The following OSBPL10 variants were observed in gnomAD, a reference collection of about 807,000 sequenced individuals.
OSBPL10 encodes the protein oxysterol binding protein like 10.
OSBPL10 carries 49 observed loss-of-function variants against 81.7 expected under a neutral mutation model. That is an observed-to-expected ratio of 0.60 (90% CI 0.48 to 0.76). The LOEUF is 0.76. OSBPL10 is among the 30% of genes least tolerant of loss of function. The probability of loss-of-function intolerance (pLI) is 0.00; values close to 1 mark genes in which losing one functional copy is unlikely to be tolerated. For synonymous variants in OSBPL10, 419 were observed against 383.6 expected (o/e 1.09, Z -1.08); for missense variants, 923 against 987.8 (o/e 0.93, Z 0.88).
intron 1 of OSBPL10, among the ~76,000 whole-genome samples, chr3:31,891,344 C>A (rs1695886103): frequency 6.6e-6 from 1 of 152,132 alleles, no homozygotes; most frequent in East Asian, 1.9e-4. Flanking sequence ...TGATTTCTAA[C>A]AAGTTCCCAG....
intron 2 of OSBPL10, among the ~76,000 whole-genome samples, chr3:32,035,931 T>G (rs1575089875): frequency 6.6e-6 from 1 of 152,192 alleles, no homozygotes; most frequent in Non-Finnish European, 1.5e-5. Flanking sequence ...AAACTCTGTA[T>G]CCATCAAACA....
chr3:31,751,372 A>G (rs1233609150), intron 4 of OSBPL10, among the ~76,000 whole-genome samples: 1 of 120,350 alleles, frequency 8.3e-6, no homozygotes, highest in Non-Finnish European at 1.6e-5. Flanking sequence ...ACAAACAAAC[A>G]AACAAATAAA....
chr3:31,662,905 G>T, intron 11 of OSBPL10: 2 of 985,414 alleles, frequency 2.0e-6, no homozygotes, highest in Non-Finnish European at 2.4e-6. Context: ...CCTGGGCAGG[G>T]CTCCCACACA....
chr3:31,748,719 G>C (rs1331031667), intron 4 of OSBPL10, among the ~76,000 whole-genome samples: 1 of 149,864 alleles, frequency 6.7e-6, no homozygotes, highest in Non-Finnish European at 1.5e-5. Context: ...AGAAAAACCA[G>C]AAATTCTAGA....
At chr3:32,043,792 C>A (rs1423000518) in intron 2 of OSBPL10, among the ~76,000 whole-genome samples, 1 of 152,168 alleles carries the variant, frequency 6.6e-6, no homozygotes, top group African/African-American at 2.4e-5. Flanking sequence ...GGCCATTATC[C>A]TAAGTGAATT....
chr3:31,698,567 C>A (rs1159125946), intron 7 of OSBPL10, among the ~76,000 whole-genome samples: 31 of 152,200 alleles, frequency 2.0e-4, no homozygotes, highest in Admixed American at 2.0e-3. Flanking sequence ...TCACAATATC[C>A]TAAACGGCCC....
intron 3 of OSBPL10, among the ~76,000 whole-genome samples, chr3:31,848,284 G>A (rs1037938937): frequency 1.3e-5 from 2 of 151,446 alleles, no homozygotes; most frequent in African/African-American, 4.9e-5. Flanking sequence ...CTTCTCTTCT[G>A]CTGTTACTCT....
At chr3:31,821,735 G>C (rs2125507637) in intron 4 of OSBPL10, among the ~76,000 whole-genome samples, 1 of 152,282 alleles carries the variant, frequency 6.6e-6, no homozygotes, top group South Asian at 2.1e-4. Flanking sequence ...TAATCACTCT[G>C]TTCACACAAA....
intron 1 of OSBPL10, among the ~76,000 whole-genome samples, chr3:31,962,085 G>A (rs964641923): frequency 5.9e-5 from 9 of 152,082 alleles, no homozygotes; most frequent in African/African-American, 2.2e-4. Context: ...CTCCTGGGTA[G>A]CTGGGATTAC....
At chr3:31,888,930 A>T (rs554744916) in intron 1 of OSBPL10, among the ~76,000 whole-genome samples, 32 of 151,974 alleles carry the variant, frequency 2.1e-4, no homozygotes, top group Admixed American at 2.0e-3. Flanking sequence ...TCTCAGGAAA[A>T]AATAATAATA....
At chr3:31,759,899 A>C (rs971790172) in intron 4 of OSBPL10, among the ~76,000 whole-genome samples, 1 of 152,060 alleles carries the variant, frequency 6.6e-6, no homozygotes, top group Non-Finnish European at 1.5e-5. Flanking sequence ...AGCTGGAATT[A>C]CAGGCATACA....
rs144485701 is a variant in OSBPL10, at chr3:32,018,613, G to A, written n.298+27878C>T. On this transcript the variant is annotated intron_variant and non_coding_transcript_variant, in intron 2 of 3. Coordinates refer to the OSBPL10 transcript ENST00000479173. ...TCCAGCTACTCGGGAGGCTGAGGTGGGAAGATCATTTGAGCCCAGGAGCTC... is the reference window on the plus strand; with the variant it reads ...TCCAGCTACTCGGGAGGCTGAGGTGAGAAGATCATTTGAGCCCAGGAGCTC... 2.5e-4 allele frequency among the ~76,000 whole-genome samples: 38 copies of A among 152,250 alleles called. No homozygotes were observed. The East Asian group carries it at 6.8e-3, about 27-fold the overall frequency.
chr3:31,750,727 C>T (rs1697686298), intron 4 of OSBPL10, among the ~76,000 whole-genome samples: 1 of 151,886 alleles, frequency 6.6e-6, no homozygotes, highest in African/African-American at 2.4e-5. Flanking sequence ...AAACATGATG[C>T]ATTATGTTTT....
intron 1 of OSBPL10, among the ~76,000 whole-genome samples, chr3:31,979,088 A>G (rs1575074403): frequency 6.6e-6 from 1 of 152,144 alleles, no homozygotes; most frequent in African/African-American, 2.4e-5. Context: ...CACCAACAAA[A>G]TGCTGTTACT....
At position 31,816,347 on chromosome 3, in the gene OSBPL10, C is replaced by T. The variant is rs149609745; in HGVS notation, c.729+13693G>A. 8.9e-4 allele frequency among the ~76,000 whole-genome samples: 135 copies of T among 152,288 alleles called. 1 individual carries two copies. Among genetic ancestry groups the T allele is most frequent in the African/African-American group, 3.2e-3 (133 of 41,564 alleles). On this transcript the variant is annotated intron_variant, in intron 4 of 11. Coordinates refer to ENST00000396556, the MANE Select transcript of OSBPL10 (RefSeq NM_017784.5). ...GCAAACATCACTCCATCCACTACGT[C>T]AGAGACAAGCTCTGGCCCCACAGTG...
intron 4 of OSBPL10, among the ~76,000 whole-genome samples, chr3:31,810,201 T>C (rs1396648564): frequency 6.6e-6 from 1 of 152,054 alleles, no homozygotes; most frequent in Admixed American, 6.6e-5. Flanking sequence ...AATTTCTTAT[T>C]TAAAAAAAGT....
intron 6 of OSBPL10, among the ~76,000 whole-genome samples, chr3:31,713,102 T>A (rs1696317262): frequency 6.6e-6 from 1 of 152,228 alleles, no homozygotes; most frequent in Non-Finnish European, 1.5e-5. Flanking sequence ...TCTTAAATCA[T>A]AAAGTTCATC....
intron 1 of OSBPL10, among the ~76,000 whole-genome samples, chr3:32,074,666 G>T (rs9830937): frequency 0.63 from 96,199 of 151,958 alleles, 33,893 homozygotes; most frequent in East Asian, 0.8. Flanking sequence ...GCAGTGAAAG[G>T]TTACTTGTAG....
intron 7 of OSBPL10, among the ~76,000 whole-genome samples, chr3:31,684,598 A>G (rs1204383918): frequency 6.6e-6 from 1 of 152,184 alleles, no homozygotes; most frequent in East Asian, 1.9e-4. Flanking sequence ...CAGGCAGACC[A>G]GGACCCACCA....
Sources: gnomAD v4.1 joint callset for allele counts (sites outside exome capture counted in the v4.1 genomes callset) on GRCh38, gnomAD v4.1.1 for gene constraint, MANE v1.5 for transcripts, NCBI Gene and HGNC (gene_info 2026-07-23, HGNC 2026-07-21) for gene names.